NTN4: variants seen among roughly 807,000 people sequenced by gnomAD.
NTN4 encodes netrin 4.
A neutral mutation model predicts 73.6 loss-of-function variants in NTN4; 32 were observed. The ratio of observed to expected loss-of-function variants is 0.44; its 90% CI spans 0.33 to 0.58. NTN4 has a LOEUF of 0.58. Ranked by LOEUF, NTN4 falls within the 20% of genes least tolerant of loss-of-function variation. NTN4 has a pLI of 0.04. For synonymous variants in NTN4, 258 were observed against 287.5 expected, an observed-to-expected ratio of 0.90 and a Z score of 1.04; for missense variants, 654 against 798.3, an observed-to-expected ratio of 0.82 and a Z score of 2.18.
intron 3 of NTN4, among the ~76,000 whole-genome samples, chr12:95,722,243 G>A (rs1255883995): frequency 6.6e-6 from 1 of 152,168 alleles, no homozygotes; most frequent in Non-Finnish European, 1.5e-5. Context: ...AAGGAAGGCA[G>A]AAACTGCTCA....
At chr12:95,780,072 G>C (rs2079121411) in intron 2 of NTN4, among the ~76,000 whole-genome samples, 1 of 152,092 alleles carries the variant, frequency 6.6e-6, no homozygotes, top group Non-Finnish European at 1.5e-5. Context: ...TTTAACAAAT[G>C]GTGCTGGGAA....
intron 9 of NTN4, among the ~76,000 whole-genome samples, chr12:95,661,169 A>G (rs765113619): frequency 3.9e-5 from 6 of 152,248 alleles, no homozygotes; most frequent in Admixed American, 6.5e-5. Context: ...TTAACTTGTC[A>G]TCTTTAGAGG....
At chr12:95,751,175 C>T (rs1414367543) in intron 2 of NTN4, among the ~76,000 whole-genome samples, 1 of 151,882 alleles carries the variant, frequency 6.6e-6, no homozygotes, top group African/African-American at 2.4e-5. Context: ...AAATTCCGGC[C>T]CTCAAACCCC....
At chr12:95,670,639 C>T (rs1371655991) in intron 7 of NTN4, 1 of 152,296 alleles carries the variant, frequency 6.6e-6, no homozygotes, top group Non-Finnish European at 1.5e-5. Context: ...CGCACTTCAG[C>T]ACCATAAAGA....
chr12:95,716,099 C>T (rs182109279), intron 3 of NTN4, among the ~76,000 whole-genome samples: 1 of 149,652 alleles, frequency 6.7e-6, no homozygotes, highest in African/African-American at 2.4e-5. Context: ...AAAACACCCA[C>T]ACACAAAAAA....
chr12:95,773,764 AT>A (rs1164898595), intron 2 of NTN4, among the ~76,000 whole-genome samples: 1 of 152,048 alleles, frequency 6.6e-6, no homozygotes, highest in Non-Finnish European at 1.5e-5. Flanking sequence ...ACTATGTAGC[AT>A]TCTACATATT....
At position 95,682,693 on chromosome 12, in the gene NTN4, T is replaced by C; in HGVS notation, c.1510+14A>G. On this transcript the variant is annotated intron_variant, in intron 7 of 9. Coordinates refer to ENST00000343702, the MANE Select transcript of NTN4 (RefSeq NM_021229.4). ...CAGACCTGAAAATATGATGCCTGGTTACATCCATCTCACCTGAGTGTAGAA... is the reference window on the plus strand; with the variant it reads ...CAGACCTGAAAATATGATGCCTGGTCACATCCATCTCACCTGAGTGTAGAA... The C allele has an allele frequency of 6.4e-7, 1 of 1,557,502 alleles. No homozygotes were observed. Among genetic ancestry groups the C allele is most frequent in the African/African-American group, 1.4e-5 (1 of 73,708 alleles).
At chr12:95,731,487 A>C (rs1363791255) in intron 3 of NTN4, among the ~76,000 whole-genome samples, 9 of 152,160 alleles carry the variant, frequency 5.9e-5, no homozygotes, top group African/African-American at 2.2e-4. Context: ...AATCGCTTGA[A>C]TCTGGGAGGC....
intron 2 of NTN4, among the ~76,000 whole-genome samples, chr12:95,783,514 T>C (rs2079146997): frequency 6.6e-6 from 1 of 152,186 alleles, no homozygotes; most frequent in Non-Finnish European, 1.5e-5. Flanking sequence ...TCCAAATGAA[T>C]AGCAGCAAAT....
Position 95,682,690 on chromosome 12 carries a change from G to A in NTN4, c.1510+17C>T. 6.5e-7 allele frequency: 1 copy of A among 1,540,964 alleles called. No homozygotes were observed. Among genetic ancestry groups the A allele is most frequent in the Non-Finnish European group, 9.0e-7 (1 of 1,114,424 alleles). ...GACCAGACCTGAAAATATGATGCCT[G>A]GTTACATCCATCTCACCTGAGTGTA... On this transcript the variant is annotated intron_variant, in intron 7 of 9. Transcript: ENST00000343702.
intron 7 of NTN4, among the ~76,000 whole-genome samples, chr12:95,676,139 T>C (rs1049664330): frequency 1.3e-5 from 2 of 152,222 alleles, no homozygotes; most frequent in African/African-American, 4.8e-5. Flanking sequence ...AGTCTCCCTC[T>C]GTCACCCAGG....
chr12:95,683,663 A>T lies in NTN4; in HGVS notation c.1229T>A (p.Val410Glu). ...ACCATTGCTGGGGTCGCAGAAGGTC[A>T]CTGAGTTGGCAGGAAGGACAGCTGA... ...VGSAVLPANSVTFCDPSNGDC... is the reference protein window; with the variant it reads ...VGSAVLPANSETFCDPSNGDC... The change falls in exon 6 of 10, where the codon GTG (valine) becomes GAG (glutamate). Residue 410 changes from valine to glutamate, a missense_variant. Val to Glu is a moderately radical substitution (Grantham distance 121, BLOSUM62 -2). Transcript: ENST00000343702. The T allele has an allele frequency of 6.2e-7, 1 of 1,613,780 alleles. No homozygotes were observed. Among genetic ancestry groups the T allele is most frequent in the South Asian group, 1.1e-5 (1 of 90,990 alleles).
At chr12:95,689,927 A>T (rs1225074608) in intron 5 of NTN4, among the ~76,000 whole-genome samples, 1 of 152,156 alleles carries the variant, frequency 6.6e-6, no homozygotes, top group African/African-American at 2.4e-5. Flanking sequence ...GAAGTGGAGC[A>T]TGGGCCTCAC....
chr12:95,757,767 G>A (rs1286281331), intron 2 of NTN4, among the ~76,000 whole-genome samples: 3 of 60,822 alleles, frequency 4.9e-5, no homozygotes, highest in Non-Finnish European at 1.3e-4. Context: ...AAGTGAGAAT[G>A]CAAAGTAAAA....
intron 7 of NTN4, chr12:95,670,985 TATGTATA>T: frequency 6.6e-6 from 1 of 151,156 alleles, no homozygotes. Context: ...TGTATGTATG[TATGTATA>T]TATTTATTTA....
chr12:95,703,672 T>C (rs2078503035), intron 5 of NTN4, among the ~76,000 whole-genome samples: 1 of 152,230 alleles, frequency 6.6e-6, no homozygotes, highest in Non-Finnish European at 1.5e-5. Context: ...TTCATAGAAT[T>C]AGAACTCTGC....
At chr12:95,693,158 A>G (rs2078414549) in intron 5 of NTN4, among the ~76,000 whole-genome samples, 2 of 152,240 alleles carry the variant, frequency 1.3e-5, no homozygotes, top group Admixed American at 1.3e-4. Context: ...GATGACTACA[A>G]AAAGTCATAT....
At position 95,781,160 on chromosome 12, in the gene NTN4, G is replaced by A. The variant is rs1244255588; in HGVS notation, c.585+5779C>T. ...ACACACCGGGGCCTGTTGTGGGGTT[G>A]GGGGAGCAGGGAGGGATAGCATTAA... On this transcript the variant is annotated intron_variant, in intron 2 of 9. Coordinates refer to ENST00000343702, the MANE Select transcript of NTN4 (RefSeq NM_021229.4). The surrounding 1 kb of genome is among the most constrained non-coding windows in gnomAD (Gnocchi z 4.1). Among the ~76,000 whole-genome samples, 1 of 152,180 alleles carries A rather than the reference G, an allele frequency of 6.6e-6. No homozygotes were observed. The highest frequency in any genetic ancestry group is 2.1e-4 in the South Asian group (1 of 4,826).
intron 7 of NTN4, among the ~76,000 whole-genome samples, chr12:95,680,038 C>G (rs12302121): frequency 0.014 from 2,116 of 152,284 alleles, 49 homozygotes; most frequent in African/African-American, 0.047. Flanking sequence ...AAAGGGCTTA[C>G]CCTGATCACC....
Sources: gnomAD v4.1 joint callset for allele counts (sites outside exome capture counted in the v4.1 genomes callset) on GRCh38, gnomAD v4.1.1 for gene constraint, Gnocchi (gnomAD v3.1) non-coding constraint, MANE v1.5 for transcripts, NCBI Gene and HGNC (gene_info 2026-07-23, HGNC 2026-07-21) for gene names.